The following CACNG3 variants were observed in gnomAD, a reference collection of about 807,000 sequenced individuals.
CACNG3 encodes voltage-dependent calcium channel gamma-3 subunit.
CACNG3 carries 3 observed loss-of-function variants against 28.5 expected under a neutral mutation model. The ratio of observed to expected loss-of-function variants is 0.11; its 90% CI spans 0.05 to 0.27. CACNG3 has a LOEUF of 0.27. Among genes scored for constraint, CACNG3 ranks in the 10% least tolerant of loss-of-function variants. The pLI, the probability that CACNG3 is intolerant of heterozygous loss-of-function variation, is 1.00. For missense variants in CACNG3, 236 were observed against 414.4 expected, an observed-to-expected ratio of 0.57 and a Z score of 3.74; for synonymous variants, 174 against 162.2, an observed-to-expected ratio of 1.07 and a Z score of -0.55.
At chr16:24,314,827 G>A (rs184269456) in intron 1 of CACNG3, among the ~76,000 whole-genome samples, 451 of 146,748 alleles carry the variant, frequency 3.1e-3, no homozygotes, top group Admixed American at 6.2e-3. Context: ...ACACAATCAG[G>A]AAACCCAAGT....
intron 1 of CACNG3, among the ~76,000 whole-genome samples, chr16:24,280,245 G>C (rs1898807257): frequency 6.6e-6 from 1 of 152,136 alleles, no homozygotes; most frequent in South Asian, 2.1e-4. Context: ...TTGTCATCTG[G>C]TTTTAAGTGA....
chr16:24,277,036 A>G (rs567284353), intron 1 of CACNG3, among the ~76,000 whole-genome samples: 3 of 152,192 alleles, frequency 2.0e-5, no homozygotes, highest in African/African-American at 7.2e-5. Flanking sequence ...GGCCAGTGCC[A>G]GGGCTTGGTT....
chr16:24,330,909 A>C (rs572648481), intron 1 of CACNG3, among the ~76,000 whole-genome samples: 32 of 152,184 alleles, frequency 2.1e-4, no homozygotes, highest in African/African-American at 7.7e-4. Context: ...CAGTGTTAGT[A>C]ATACTAAGCT....
At chr16:24,291,994 A>G (rs766380492) in intron 1 of CACNG3, among the ~76,000 whole-genome samples, 7 of 152,094 alleles carry the variant, frequency 4.6e-5, no homozygotes, top group African/African-American at 7.2e-5. Flanking sequence ...AGGATGAGCC[A>G]GTGGGGAGAG....
chr16:24,328,559 T>A (rs1899589123), intron 1 of CACNG3, among the ~76,000 whole-genome samples: 1 of 151,676 alleles, frequency 6.6e-6, no homozygotes, highest in Non-Finnish European at 1.5e-5. Context: ...TCAGTGGTGC[T>A]TATAGTCTAG....
At chr16:24,312,825 G>C (rs1049111167) in intron 1 of CACNG3, among the ~76,000 whole-genome samples, 3 of 148,930 alleles carry the variant, frequency 2.0e-5, no homozygotes, top group Non-Finnish European at 3.0e-5. Flanking sequence ...TCTGAAAAAA[G>C]GCAGGGCAGA....
At chr16:24,324,492 C>G (rs1899509887) in intron 1 of CACNG3, among the ~76,000 whole-genome samples, 2 of 152,158 alleles carry the variant, frequency 1.3e-5, no homozygotes, top group Admixed American at 1.3e-4. Flanking sequence ...TTGGCTCTGC[C>G]TTCAAAAATA....
chr16:24,290,235 T>C (rs887803234), intron 1 of CACNG3, among the ~76,000 whole-genome samples: 2 of 152,210 alleles, frequency 1.3e-5, no homozygotes, highest in African/African-American at 2.4e-5. Flanking sequence ...AGAGAGTGTC[T>C]AGTTATACAA....
intron 1 of CACNG3, among the ~76,000 whole-genome samples, chr16:24,265,270 AGAAG>A (rs773606452): frequency 5.1e-4 from 72 of 140,876 alleles, no homozygotes; most frequent in African/African-American, 1.2e-3. Flanking sequence ...AAGAAGCGAG[AGAAG>A]GAAGGAAGGA....
chr16:24,355,870 C>T (rs772425924), intron 3 of CACNG3, among the ~76,000 whole-genome samples: 1 of 152,150 alleles, frequency 6.6e-6, no homozygotes, highest in Non-Finnish European at 1.5e-5. Flanking sequence ...AAGGTAAAGA[C>T]CAGCAGCCCG....
chr16:24,280,986 C>A (rs1359521643), intron 1 of CACNG3, among the ~76,000 whole-genome samples: 2 of 151,880 alleles, frequency 1.3e-5, no homozygotes. Flanking sequence ...AATGGGGAGA[C>A]AGAAAGAGAG....
intron 1 of CACNG3, among the ~76,000 whole-genome samples, chr16:24,279,521 T>A (rs1192816208): frequency 6.6e-6 from 1 of 152,034 alleles, no homozygotes; most frequent in African/African-American, 2.4e-5. Flanking sequence ...CCTAGGCTAG[T>A]CTTGAACTCC....
At chr16:24,349,675 G>A (rs912630412) in intron 2 of CACNG3, among the ~76,000 whole-genome samples, 5 of 152,214 alleles carry the variant, frequency 3.3e-5, no homozygotes, top group African/African-American at 1.2e-4. Flanking sequence ...AGGACGACCA[G>A]AGGTCACTTT....
At chr16:24,259,422 A>G (rs1447388337) in intron 1 of CACNG3, among the ~76,000 whole-genome samples, 4 of 152,188 alleles carry the variant, frequency 2.6e-5, no homozygotes, top group African/African-American at 9.7e-5. Flanking sequence ...GCTAGAATGA[A>G]GATGAACAGT....
At chr16:24,350,024 C>T (rs1285910193) in intron 2 of CACNG3, among the ~76,000 whole-genome samples, 2 of 151,554 alleles carry the variant, frequency 1.3e-5, no homozygotes, top group Non-Finnish European at 2.9e-5. Flanking sequence ...CTTAACTTAG[C>T]TCCATATAGT....
intron 1 of CACNG3, among the ~76,000 whole-genome samples, chr16:24,327,459 C>T (rs62030066): frequency 7.1e-5 from 8 of 112,508 alleles, no homozygotes; most frequent in African/African-American, 2.9e-4. Context: ...TATATATACA[C>T]ACACACACAC....
At chr16:24,349,926 C>T (rs1899918583) in intron 2 of CACNG3, among the ~76,000 whole-genome samples, 1 of 152,164 alleles carries the variant, frequency 6.6e-6, no homozygotes, top group Admixed American at 6.5e-5. Flanking sequence ...TAGAGACTTC[C>T]ACGACACAGC....
intron 1 of CACNG3, among the ~76,000 whole-genome samples, chr16:24,271,201 T>C (rs1365942485): frequency 6.6e-6 from 1 of 152,224 alleles, no homozygotes; most frequent in African/African-American, 2.4e-5. Flanking sequence ...CTCTGTCCCT[T>C]GACCTCCCTT....
Position 24,317,628 on chromosome 16 carries a change from C to G in CACNG3, c.212-29106C>G, listed in dbSNP as rs12919190. Among the ~76,000 whole-genome samples, 2 of 39,018 alleles carry G rather than the reference C, an allele frequency of 5.1e-5. 1 individual carries two copies. Among genetic ancestry groups the G allele is most frequent in the East Asian group, 1.8e-3 (2 of 1,138 alleles). The allele number at this position is 39,018 out of a possible 152,430, so 25.6% of individuals were successfully genotyped here. A position where few individuals can be genotyped will look rare whatever the true frequency, so the allele number is the denominator to read the frequency against. ...AAAGAAAGAAAGAAAGAAAGAAAGA[C>G]AGACAGAAAGAAAGAAAAGAAAAGA... On this transcript the variant is annotated intron_variant, in intron 1 of 3. Transcript: ENST00000005284.
Sources: allele counts gnomAD v4.1 joint callset (sites outside exome capture counted in the v4.1 genomes callset), GRCh38; gene constraint gnomAD v4.1.1; transcripts MANE v1.5; gene names NCBI Gene and HGNC (gene_info 2026-07-23, HGNC 2026-07-21).